The following RYR1 variants were observed in gnomAD, a reference collection of about 807,000 sequenced individuals.
RYR1 encodes the protein central core disease of muscle.
In RYR1, 342 loss-of-function variants were observed where a neutral mutation model predicts 583.5. The ratio of observed to expected loss-of-function variants is 0.59; its 90% CI spans 0.54 to 0.64. The LOEUF (loss-of-function observed/expected upper bound fraction) is 0.64, where lower values mean the gene tolerates loss of function less well. Among genes scored for constraint, RYR1 ranks in the 30% least tolerant of loss-of-function variants. The pLI is 0.00. For synonymous variants in RYR1, 2,791 were observed against 2,822.5 expected (o/e 0.99, Z 0.35); for missense variants, 6,032 against 6,917.2 (o/e 0.87, Z 4.54).
chr19:38,557,534 T>C (rs1380765364), intron 89 of RYR1, among the ~76,000 whole-genome samples: 1 of 152,142 alleles, frequency 6.6e-6, no homozygotes, highest in Non-Finnish European at 1.5e-5. Context: ...TCAGCGAGGC[T>C]GTGGTGTCCC....
intron 47 of RYR1, among the ~76,000 whole-genome samples, chr19:38,501,894 G>A (rs2145610240): frequency 6.6e-6 from 1 of 152,248 alleles, no homozygotes; most frequent in East Asian, 1.9e-4. Flanking sequence ...GCTGAGGTGG[G>A]AGAATCACTT....
intron 58 of RYR1, among the ~76,000 whole-genome samples, chr19:38,509,021 C>A (rs1230109746): frequency 6.6e-6 from 1 of 151,074 alleles, no homozygotes; most frequent in African/African-American, 2.4e-5. Flanking sequence ...CAGCTAGGCC[C>A]TACAATCCCC....
intron 28 of RYR1, among the ~76,000 whole-genome samples, chr19:38,475,026 C>T (rs968479645): frequency 1.3e-5 from 2 of 152,136 alleles, no homozygotes; most frequent in African/African-American, 2.4e-5. Flanking sequence ...AGCACCTATA[C>T]GAGAAATGCA....
intron 31 of RYR1, among the ~76,000 whole-genome samples, 161 bp from the exon 32 acceptor site, chr19:38,482,866 C>A (rs1450220576): frequency 6.6e-6 from 1 of 152,080 alleles, no homozygotes; most frequent in African/African-American, 2.4e-5. Flanking sequence ...GTTGGCCTGG[C>A]TGGATCAGAG....
chr19:38,583,297 CAAAAAAA>C (rs1195725551), intron 101 of RYR1, among the ~76,000 whole-genome samples: 3 of 67,560 alleles, frequency 4.4e-5, no homozygotes, highest in East Asian at 4.0e-4. Context: ...AACTCCATCT[CAAAAAAA>C]AAAAAAAAAG....
intron 92 of RYR1, among the ~76,000 whole-genome samples, chr19:38,567,404 G>A (rs937775213): frequency 3.3e-5 from 5 of 151,938 alleles, no homozygotes; most frequent in African/African-American, 9.7e-5. Context: ...GTGCTTTCCC[G>A]CTGCCTGGAA....
In RYR1 at chr19:38,469,079, C is replaced by T. The variant is rs772616442; in HGVS notation, c.3495C>T (p.Gly1165=). 68 of 1,614,042 alleles carry T rather than the reference C, an allele frequency of 4.2e-5. No individual in the cohort carries two copies. The highest frequency in any genetic ancestry group is 5.1e-5 in the Non-Finnish European group (60 of 1,180,038). The change falls in exon 26 of 106, where the codon GGC becomes GGT. Residue 1165 remains glycine, a synonymous_variant. Transcript: ENST00000359596. ...TENTIIFTLN[G]EVLMSDSGSE... is the part of the protein sequence containing the mutation. Reference sequence around the variant, plus strand: ...ACACCATTATCTTCACCCTCAATGGCGAGGTCCTCATGTCTGACTCAGGCT... The same window carrying T: ...ACACCATTATCTTCACCCTCAATGGTGAGGTCCTCATGTCTGACTCAGGCT...
intron 27 of RYR1, among the ~76,000 whole-genome samples, chr19:38,472,277 T>G (rs1968463375): frequency 6.6e-6 from 1 of 152,026 alleles, no homozygotes; most frequent in African/African-American, 2.4e-5. Context: ...TTTTTTGTAT[T>G]TTTAGTACAG....
At chr19:38,532,818 A>C in intron 78 of RYR1, 82 bp downstream of exon 78, 6 of 1,425,718 alleles carry the variant, frequency 4.2e-6, no homozygotes, top group Non-Finnish European at 5.9e-6. Context: ...GCATGTGTTC[A>C]CAGAGCAAAG....
chr19:38,568,156 C>T (rs1337547969), intron 93 of RYR1, among the ~76,000 whole-genome samples: 4 of 152,190 alleles, frequency 2.6e-5, no homozygotes, highest in African/African-American at 9.7e-5. Flanking sequence ...AACCTCCATA[C>T]CTCTGTTCAT....
At chr19:38,465,621 G>A (rs559450701) in intron 23 of RYR1, among the ~76,000 whole-genome samples, 19 of 152,116 alleles carry the variant, frequency 1.2e-4, no homozygotes, top group Non-Finnish European at 2.2e-4. Context: ...AAAATTAGCC[G>A]GGTGTGGTGG....
intron 11 of RYR1, among the ~76,000 whole-genome samples, chr19:38,449,981 GC>G (rs1966993853): frequency 1.3e-5 from 2 of 152,208 alleles, no homozygotes; most frequent in Admixed American, 6.5e-5. Context: ...TCCTGCCTCA[GC>G]CTCCCAAAGT....
At chr19:38,442,791 G>A (rs930670938) in intron 3 of RYR1, among the ~76,000 whole-genome samples, 1 of 152,164 alleles carries the variant, frequency 6.6e-6, no homozygotes, top group Admixed American at 6.5e-5. Flanking sequence ...GGAAGGGGAT[G>A]GGGGCTTCTG....
At chr19:38,475,176 G>A in intron 28 of RYR1, 142 bp from the exon 29 acceptor site, 3 of 1,107,446 alleles carry the variant, frequency 2.7e-6, no homozygotes, top group South Asian at 2.9e-5. Context: ...GTCTGGGGTA[G>A]GTGGGAATCC....
At chr19:38,461,380 T>G (rs373476848) in intron 20 of RYR1, among the ~76,000 whole-genome samples, 1 of 152,012 alleles carries the variant, frequency 6.6e-6, no homozygotes. Context: ...ATGGAGAAAC[T>G]GAGCACAGAG....
intron 52 of RYR1, 95 bp from the exon 53 acceptor site, chr19:38,505,213 AC>A (rs1200179250): frequency 2.6e-5 from 29 of 1,121,402 alleles, no homozygotes; most frequent in Admixed American, 1.6e-4. Flanking sequence ...TTGTTCTGGG[AC>A]CCCCCCAGGA....
rs193922886 is a variant in RYR1, at chr19:38,583,494, A to G, written c.14647-1449A>G. On this transcript the variant is annotated intron_variant, in intron 101 of 105. Transcript: ENST00000359596. Reference sequence around the variant, plus strand: ...CTCTGTCTCAAAAAAAAAAAAAAACATATGTAAAGTTGTTCCCAAATGCCA... The same window carrying G: ...CTCTGTCTCAAAAAAAAAAAAAAACGTATGTAAAGTTGTTCCCAAATGCCA... Among the ~76,000 whole-genome samples, 1 of 143,858 alleles carries G rather than the reference A, an allele frequency of 7.0e-6. No homozygotes were observed. The highest frequency in any genetic ancestry group is 1.5e-5 in the Non-Finnish European group (1 of 66,482). 94.4% of individuals were successfully genotyped at this position (143,858 alleles called of 152,430 possible). A position where few individuals can be genotyped will look rare whatever the true frequency, so the allele number is the denominator to read the frequency against.
At position 38,469,373 on chromosome 19, in the gene RYR1, T is replaced by C; in HGVS notation, c.3625T>C (p.Ser1209Pro). 6.2e-7 allele frequency: 1 copy of C among 1,613,982 alleles called. No homozygotes were observed. Among genetic ancestry groups the C allele is most frequent in the Non-Finnish European group, 8.5e-7 (1 of 1,179,994 alleles). ...GHLNLGQDVS[S>P]LRFFAICGLQ... is the part of the protein sequence containing the mutation. ...TCTGAACCTGGGCCAGGACGTGAGC[T>C]CTCTGAGGTTCTTTGCCATCTGTGG... The change falls in exon 27 of 106, where the codon TCT (serine) becomes CCT (proline). Residue 1209 changes from serine to proline, a missense_variant. Physicochemically the swap from Ser to Pro is moderately conservative, Grantham distance 74. Around this residue, in one of 11 missense-constraint regions of RYR1, gnomAD observed 2,627 missense variants for 2,961.3 expected, o/e 0.89. Transcript: ENST00000359596.
At chr19:38,519,136 GGGAGTC>G in intron 66 of RYR1, 72 bp from the exon 67 acceptor site, 1 of 1,610,518 alleles carries the variant, frequency 6.2e-7, no homozygotes, top group Admixed American at 1.7e-5. Flanking sequence ...GATGCTGTTT[GGGAGTC>G]GGGCTGGGAA....
Sources: allele counts gnomAD v4.1 joint callset (sites outside exome capture counted in the v4.1 genomes callset), GRCh38; gene constraint gnomAD v4.1.1; regional missense constraint gnomAD v4.1.1; transcripts MANE v1.5; gene names NCBI Gene and HGNC (gene_info 2026-07-23, HGNC 2026-07-21).